Variants in GLS2 observed in about 807,000 individuals in gnomAD.
The protein encoded by GLS2 is glutaminase liver isoform, mitochondrial.
Under a neutral mutation model 79.0 loss-of-function variants are expected in GLS2, and 52 were observed. The ratio of observed to expected loss-of-function variants is 0.66; its 90% confidence interval spans 0.53 to 0.83. The LOEUF (loss-of-function observed/expected upper bound fraction) is 0.83. Ranked by LOEUF, GLS2 falls within the 40% of genes least tolerant of loss-of-function variation. GLS2 has a pLI of 0.00. For missense variants in GLS2, 561 were observed against 764.8 expected, an observed-to-expected ratio of 0.73 and a Z score of 3.14; for synonymous variants, 238 against 280.8, an observed-to-expected ratio of 0.85 and a Z score of 1.52.
At chr12:56,480,444 C>T (rs772345784) in intron 1 of GLS2, 57 bp from the exon 2 acceptor site, 7 of 1,317,162 alleles carry the variant, frequency 5.3e-6, no homozygotes, top group African/African-American at 2.9e-5. Context: ...CTACCTGCTC[C>T]TCCTTCTGCA....
chr12:56,471,390 A>G lies in GLS2; in HGVS notation c.*97T>C. On this transcript the variant is annotated 3_prime_UTR_variant, in exon 18 of 18. Transcript: ENST00000311966. ...CCAAATGACTGCTTGGTCCCCACTG[A>G]AGCAGTGTAGCTCTCCATAGTATTT... The G allele has an allele frequency of 7.6e-7, 1 of 1,318,706 alleles. No individual in the cohort carries two copies. The highest frequency in any genetic ancestry group is 1.0e-6 in the Non-Finnish European group (1 of 973,532). 81.7% of individuals were successfully genotyped at this position (1,318,706 alleles called of 1,614,324 possible). A position where few individuals can be genotyped will look rare whatever the true frequency, so the allele number is the denominator to read the frequency against.
intron 12 of GLS2, 172 bp from the exon 13 acceptor site, chr12:56,473,766 A>G (rs535715991): frequency 3.4e-4 from 240 of 706,318 alleles, no homozygotes; most frequent in Non-Finnish European, 4.4e-4. Context: ...TCCTTCCCTT[A>G]AATTCATTGA....
intron 9 of GLS2, chr12:56,475,325 A>G: frequency 8.0e-7 from 1 of 1,250,036 alleles, no homozygotes; most frequent in East Asian, 2.5e-5. Flanking sequence ...AAACACCCCA[A>G]ACTGTCTAGT....
intron 2 of GLS2, 133 bp from the exon 3 acceptor site, chr12:56,480,034 TAAGA>T: frequency 8.1e-7 from 1 of 1,241,658 alleles, no homozygotes; most frequent in Non-Finnish European, 1.1e-6. Context: ...GTTTGGAGAA[TAAGA>T]AAGGAGGGGA....
In GLS2 at chr12:56,480,384, A is replaced by C. The variant is rs780560433; in HGVS notation, c.186T>G (p.Asp62Glu). The change falls in exon 2 of 18, where the codon GAT (aspartate) becomes GAG (glutamate). Residue 62 changes from aspartate to glutamate, a missense_variant. Physicochemically the swap from Asp to Glu is conservative, Grantham distance 45. This residue lies in a region of GLS2 where 161 missense variants were observed against 167.8 expected (regional missense o/e 0.96). Coordinates refer to ENST00000311966, the MANE Select transcript of GLS2 (RefSeq NM_013267.4). Reference protein sequence around the residue: ...HSHQPQHQDHDSSESGMLSRL... With the variant: ...HSHQPQHQDHESSESGMLSRL... ...GGGACAGCATGCCACTTTCTGATGAATCACTGTTTGGGGGCAGAGAATGGG... is the reference window on the plus strand; with the variant it reads ...GGGACAGCATGCCACTTTCTGATGACTCACTGTTTGGGGGCAGAGAATGGG... 4 of 1,613,872 alleles carry C rather than the reference A, an allele frequency of 2.5e-6. No individual in the cohort carries two copies. The highest frequency in any genetic ancestry group is 1.3e-5 in the African/African-American group (1 of 75,024).
chr12:56,472,905 TGA>T, intron 14 of GLS2, 154 bp from the exon 15 acceptor site: 2 of 611,972 alleles, frequency 3.3e-6, no homozygotes, highest in Non-Finnish European at 2.8e-6. Flanking sequence ...TTTTTTTTTT[TGA>T]GACGGAGTCT....
intron 7 of GLS2, 158 bp from the exon 8 acceptor site, chr12:56,476,135 G>A (rs962079076): frequency 3.7e-5 from 24 of 652,472 alleles, no homozygotes; most frequent in African/African-American, 7.3e-5. Flanking sequence ...TGAAAACACC[G>A]CACTTCCATT....
chr12:56,478,518 T>C, intron 4 of GLS2: 1 of 478,136 alleles, frequency 2.1e-6, no homozygotes. Flanking sequence ...TGAGGCAACC[T>C]TCCCCTTTTG....
At chr12:56,475,177 AC>A in intron 9 of GLS2, 67 bp from the exon 10 acceptor site, 1 of 1,608,928 alleles carries the variant, frequency 6.2e-7, no homozygotes, top group Non-Finnish European at 8.5e-7. Context: ...GGGAAAAATT[AC>A]CTTCCCTGGA....
chr12:56,474,114 TG>T (rs1869568939), intron 12 of GLS2: 1 of 160,242 alleles, frequency 6.2e-6, no homozygotes, highest in East Asian at 1.9e-4. Context: ...TTTTTTGAGA[TG>T]GAGTTTTGCT....
chr12:56,481,637 T>C (rs1379450835), intron 1 of GLS2, among the ~76,000 whole-genome samples: 1 of 149,454 alleles, frequency 6.7e-6, no homozygotes, highest in Non-Finnish European at 1.5e-5. Flanking sequence ...ACACCTGTAA[T>C]CCCAGCACTT....
chr12:56,477,799 AG>A lies in GLS2; in HGVS notation c.779-82del, dbSNP rs1436022431. ...GCCCGCTCACTTTGTGGGTTAGACA[AG>A]AAAGACTGCTAGGGAGAAAGGCATG... On this transcript the variant is annotated intron_variant, in intron 6 of 17. Coordinates refer to ENST00000311966, the MANE Select transcript of GLS2 (RefSeq NM_013267.4). The A allele has an allele frequency of 5.8e-6, 9 of 1,552,190 alleles. No homozygotes were observed. The African/African-American group carries it at 1.2e-4, about 21-fold the overall frequency.
In GLS2 at chr12:56,478,538, C is replaced by G. The variant is rs74091906; in HGVS notation, c.535-276G>C. Reference sequence around the variant, plus strand: ...CAACCTTCCCCTTTTGGTTCTTAGGCTCAGTTACCCTATAAATCCCTTTGA... The same window carrying G: ...CAACCTTCCCCTTTTGGTTCTTAGGGTCAGTTACCCTATAAATCCCTTTGA... On this transcript the variant is annotated intron_variant, in intron 4 of 17. Transcript: ENST00000311966. 1.1e-3 allele frequency: 468 copies of G among 441,776 alleles called. 5 individuals carry two copies. Among genetic ancestry groups the G allele is most frequent in the African/African-American group, 8.7e-3 (441 of 50,460 alleles). The allele number at this position is 441,776 out of a possible 1,614,324, so 27.4% of individuals were successfully genotyped here.
At chr12:56,477,458 G>A in intron 7 of GLS2, 1 of 529,530 alleles carries the variant, frequency 1.9e-6, no homozygotes, top group South Asian at 2.5e-5. Flanking sequence ...TACTGAGTGG[G>A]GATGACGGAG....
chr12:56,478,448 T>G, intron 4 of GLS2, 186 bp from the exon 5 acceptor site: 2 of 608,576 alleles, frequency 3.3e-6, no homozygotes, highest in Non-Finnish European at 5.8e-6. Flanking sequence ...CATATCTTTG[T>G]GTATCCGCAA....
rs560712128 is a variant in GLS2 at position 56,472,717 on chromosome 12, T to C, written c.1484A>G (p.Tyr495Cys). 1.9e-6 allele frequency: 3 copies of C among 1,613,872 alleles called. No individual in the cohort carries two copies. The African/African-American group carries it at 4.0e-5, about 22-fold the overall frequency. The change falls in exon 15 of 18, where the codon TAT becomes TGT. Residue 495 changes from tyrosine (Y) to cysteine (C), a missense_variant. Physicochemically the swap from Tyr to Cys is radical, Grantham distance 194 (BLOSUM62 -2). Transcript: ENST00000311966. ...KTVVNLLFAA[Y>C]SGDVSALRRF... is the part of the protein sequence containing the mutation. ...TCGAAGAGCTGAGACATCGCCACTA[T>C]AGGCAGCAAATAACAGGTTGACCAC...
In GLS2 at chr12:56,475,685, G is replaced by A; in HGVS notation, c.871-3C>T. ...ATTTTGTTGAGATACTGCAACACCTGGAAGAGAAAAAGGGACATTGAGGCT... is the reference window on the plus strand; with the variant it reads ...ATTTTGTTGAGATACTGCAACACCTAGAAGAGAAAAAGGGACATTGAGGCT... On this transcript the variant is annotated splice_polypyrimidine_tract_variant and splice_region_variant and intron_variant, in intron 8 of 17. Coordinates refer to ENST00000311966, the MANE Select transcript of GLS2 (RefSeq NM_013267.4). 1.9e-6 allele frequency: 3 copies of A among 1,614,042 alleles called. No homozygotes were observed. Among genetic ancestry groups the A allele is most frequent in the Non-Finnish European group, 2.5e-6 (3 of 1,179,954 alleles).
intron 7 of GLS2, chr12:56,476,899 A>G (rs1222767569): frequency 2.6e-5 from 4 of 151,900 alleles, no homozygotes; most frequent in Non-Finnish European, 5.9e-5. Flanking sequence ...TGGCCTCTAT[A>G]TTTTTTAAAA....
At chr12:56,481,412 C>T (rs1371783477) in intron 1 of GLS2, among the ~76,000 whole-genome samples, 1 of 149,950 alleles carries the variant, frequency 6.7e-6, no homozygotes. Context: ...TTCACCATTT[C>T]GGTCAGGCTG....
Sources: allele counts gnomAD v4.1 joint callset (sites outside exome capture counted in the v4.1 genomes callset), GRCh38; gene constraint gnomAD v4.1.1; regional missense constraint gnomAD v4.1.1; transcripts MANE v1.5; gene names NCBI Gene and HGNC (gene_info 2026-07-23, HGNC 2026-07-21).